The following TG variants were observed in gnomAD, a reference collection of about 807,000 sequenced individuals.
TG encodes thyroid hormones.
In TG, 270 loss-of-function variants were observed where a neutral mutation model predicts 324.7. The ratio of observed to expected loss-of-function variants is 0.83; its 90% CI spans 0.75 to 0.92. The LOEUF is 0.92. TG is among the 40% of genes least tolerant of loss of function. The pLI is 0.00. For synonymous variants in TG, 1,401 were observed against 1,327.0 expected (o/e 1.06, Z -1.21); for missense variants, 3,591 against 3,456.4 (o/e 1.04, Z -0.98).
chr8:133,116,815 G>C, intron 45 of TG, 99 bp downstream of exon 45: 1 of 951,870 alleles, frequency 1.1e-6, no homozygotes, highest in Non-Finnish European at 1.7e-6. Flanking sequence ...CTAAGCCTCA[G>C]TTTCCTCATC....
chr8:133,022,811 G>C (rs569838076), intron 40 of TG, among the ~76,000 whole-genome samples: 1 of 152,114 alleles, frequency 6.6e-6, no homozygotes, highest in Non-Finnish European at 1.5e-5. Context: ...TGCAGTGGTC[G>C]GGACAGAGTC....
In TG at chr8:132,871,692, G is replaced by C; in HGVS notation, c.478+141G>C. On this transcript the variant is annotated intron_variant, in intron 4 of 47. Transcript: ENST00000220616. ...TTAGGGAAAATGAAAGCTTCAAAGG[G>C]AAGGTTTTATTATTCTCATATTTCC... is the stretch of plus-strand genomic sequence containing the variant. The C allele has an allele frequency of 7.7e-6, 6 of 774,748 alleles. No homozygotes were observed. The South Asian group carries it at 1.1e-4, about 15-fold the overall frequency. 48.0% of individuals were successfully genotyped at this position (774,748 alleles called of 1,614,324 possible).
At chr8:133,020,399 G>A (rs954967493) in intron 39 of TG, among the ~76,000 whole-genome samples, 18 of 152,208 alleles carry the variant, frequency 1.2e-4, no homozygotes, top group Admixed American at 6.5e-4. Context: ...TGAGGCGGGA[G>A]CTGAGGACTG....
chr8:132,894,896 G>A lies in TG; in HGVS notation c.3001+967G>A, dbSNP rs1215803921. Among the ~76,000 whole-genome samples, 9 of 152,300 alleles carry A rather than the reference G, an allele frequency of 5.9e-5. 1 individual carries two copies. The East Asian group carries it at 1.7e-3, about 29-fold the overall frequency. ...CACCATCCACAATTCTTTGCAAATG[G>A]GGAAATGGAGTCTGAGGTTAAGTCA... On this transcript the variant is annotated intron_variant, in intron 11 of 47. Coordinates refer to ENST00000220616, the MANE Select transcript of TG (RefSeq NM_003235.5).
chr8:132,960,380 A>G (rs2130326978), intron 27 of TG, among the ~76,000 whole-genome samples: 1 of 152,186 alleles, frequency 6.6e-6, no homozygotes, highest in East Asian at 1.9e-4. Context: ...TGTCACAGGG[A>G]ATTTGAAAGG....
At chr8:133,024,200 T>C (rs1344234242) in intron 40 of TG, among the ~76,000 whole-genome samples, 4 of 152,250 alleles carry the variant, frequency 2.6e-5, no homozygotes, top group African/African-American at 7.2e-5. Flanking sequence ...CAAGAAATAC[T>C]GTAGTGCAGG....
At chr8:132,888,667 T>A in intron 10 of TG, 99 bp downstream of exon 10, 1 of 1,278,630 alleles carries the variant, frequency 7.8e-7, no homozygotes, top group Non-Finnish European at 1.1e-6. Context: ...GGGAGGGTAT[T>A]GAGTGTCAAA....
At chr8:133,089,346 T>G (rs1205872836) in intron 41 of TG, among the ~76,000 whole-genome samples, 1 of 152,214 alleles carries the variant, frequency 6.6e-6, no homozygotes, top group East Asian at 1.9e-4. Flanking sequence ...CAGGAGGTAT[T>G]GATGCTCCAT....
chr8:133,038,579 C>G (rs1213509493), intron 41 of TG: 1 of 1,614,006 alleles, frequency 6.2e-7, no homozygotes, highest in African/African-American at 1.3e-5. Flanking sequence ...CTTGCTGCCA[C>G]CATACATCAG....
intron 37 of TG, 24 bp downstream of exon 37, chr8:133,013,788 C>T (rs778449846): frequency 6.2e-7 from 1 of 1,603,520 alleles, no homozygotes; most frequent in Non-Finnish European, 8.5e-7. Flanking sequence ...TATGCCTTTG[C>T]AGCCATCCTG....
At chr8:132,920,723 G>T (rs1350983041) in intron 21 of TG, among the ~76,000 whole-genome samples, 1 of 152,220 alleles carries the variant, frequency 6.6e-6, no homozygotes, top group Non-Finnish European at 1.5e-5. Context: ...ACAGGTTGAG[G>T]CTTGCACCAG....
rs568581140 is a variant in TG, at chr8:133,015,909, A to T, written c.6563-1869A>T. Among the ~76,000 whole-genome samples, 25 of 152,110 alleles carry T rather than the reference A, an allele frequency of 1.6e-4. 2 individuals are homozygous for T. The South Asian group carries it at 5.0e-3, about 30-fold the overall frequency. On this transcript the variant is annotated intron_variant, in intron 37 of 47. Transcript: ENST00000220616. ...ATGTCTTTGCGACAGAGAAGGCTTC[A>T]TTTGCTCTTTTTTTCCTCTTTCTCT... is the stretch of plus-strand genomic sequence containing the variant.
chr8:132,903,556 C>T (rs1470034537), intron 16 of TG, among the ~76,000 whole-genome samples: 2 of 152,192 alleles, frequency 1.3e-5, no homozygotes, highest in Non-Finnish European at 2.9e-5. Flanking sequence ...TTAAAGTGAC[C>T]AGGTTCCTGG....
intron 38 of TG, 53 bp from the exon 39 acceptor site, chr8:133,019,549 G>A: frequency 6.7e-7 from 1 of 1,490,424 alleles, no homozygotes; most frequent in Admixed American, 1.7e-5. Flanking sequence ...GTGGTGGGTG[G>A]GGAGGGGTGG....
intron 22 of TG, among the ~76,000 whole-genome samples, chr8:132,927,414 CA>C (rs917994567): frequency 6.6e-6 from 1 of 152,106 alleles, no homozygotes; most frequent in African/African-American, 2.4e-5. Context: ...ATAAACTATG[CA>C]AAAATGATGA....
rs1158391248 is a variant in TG, at chr8:132,873,205, G to C, written c.622G>C (p.Val208Leu). The C allele has an allele frequency of 6.2e-7, 1 of 1,614,046 alleles. No homozygotes were observed. Among genetic ancestry groups the C allele is most frequent in the Admixed American group, 1.7e-5 (1 of 60,012 alleles). The change falls in exon 5 of 48, where the codon GTC becomes CTC. Residue 208 changes from valine (V) to leucine (L), a missense_variant. Physicochemically the swap from Val to Leu is conservative, Grantham distance 32. Transcript: ENST00000220616. Reference sequence around the variant, plus strand: ...CACAGACATGATGATTTTTGATCTGGTCCACAGCTACAACAGGTAAGGGGA... The same window carrying C: ...CACAGACATGATGATTTTTGATCTGCTCCACAGCTACAACAGGTAAGGGGA... The part of the protein sequence containing the change: ...NTTDMMIFDL[V>L]HSYNRFPDAF...
chr8:133,091,702 C>T (rs1014797941), intron 41 of TG, among the ~76,000 whole-genome samples: 3 of 151,126 alleles, frequency 2.0e-5, no homozygotes, highest in African/African-American at 7.3e-5. Context: ...GTTTGTGTGT[C>T]CTTCTGCACT....
At chr8:133,133,206 A>G (rs917027994) in intron 46 of TG, among the ~76,000 whole-genome samples, 6 of 152,240 alleles carry the variant, frequency 3.9e-5, no homozygotes, top group Admixed American at 2.0e-4. Flanking sequence ...ACAGAAGGGC[A>G]GCGCTAGGTC....
intron 41 of TG, among the ~76,000 whole-genome samples, chr8:133,052,297 G>T (rs1263198777): frequency 2.0e-5 from 3 of 152,240 alleles, no homozygotes; most frequent in African/African-American, 7.2e-5. Flanking sequence ...AGTAATCACG[G>T]TGGAACAGTG....
Sources: gnomAD v4.1 joint callset for allele counts (sites outside exome capture counted in the v4.1 genomes callset) on GRCh38, gnomAD v4.1.1 for gene constraint, MANE v1.5 for transcripts, NCBI Gene and HGNC (gene_info 2026-07-23, HGNC 2026-07-21) for gene names.